Variants in HTR2C observed in about 807,000 individuals in gnomAD.
HTR2C encodes the protein 5-hydroxytryptamine (serotonin) receptor 2C, G protein-coupled.
A neutral mutation model predicts 21.0 loss-of-function variants in HTR2C; 5 were observed. The ratio of observed to expected loss-of-function variants is 0.24; its 90% confidence interval spans 0.12 to 0.50. HTR2C has a LOEUF of 0.50. Among genes scored for constraint, HTR2C ranks in the 20% least tolerant of loss-of-function variants. HTR2C has a pLI of 0.98. For missense variants in HTR2C, 271 were observed against 371.2 expected (o/e 0.73, Z 2.22); for synonymous variants, 150 against 145.3 (o/e 1.03, Z -0.23).
chrX:114,835,326 A>G (rs1256902560), intron 4 of HTR2C, among the ~76,000 whole-genome samples: 3 of 106,368 alleles, frequency 2.8e-5, no homozygotes, highest in African/African-American at 1.0e-4. Context: ...CATTCTCCCC[A>G]TCACTTTCAG....
rs1927285124 is a variant in HTR2C, at chrX:114,584,190, A to G, written c.-616A>G. The G allele has an allele frequency of 8.9e-6, 1 of 112,519 alleles. No homozygotes were observed. Among genetic ancestry groups the G allele is most frequent in the South Asian group, 3.7e-4 (1 of 2,724 alleles). 9.3% of individuals were successfully genotyped at this position (112,519 alleles called of 1,213,427 possible). The stretch of plus-strand genomic sequence containing the variant: ...CTAGATTGCTAGCCTTGGCTGCTCC[A>G]TTGGCCTGCCTTGCCCCTTACCTGC... On this transcript the variant is annotated 5_prime_UTR_variant, in exon 1 of 6. Coordinates refer to ENST00000276198, the MANE Select transcript of HTR2C (RefSeq NM_000868.4).
intron 5 of HTR2C, among the ~76,000 whole-genome samples, chrX:114,858,544 C>T (rs1556471865): frequency 9.0e-6 from 1 of 111,502 alleles, no homozygotes; most frequent in African/African-American, 3.3e-5. Flanking sequence ...TTACTCTATA[C>T]CCAGCTATCT....
chrX:114,635,319 G>T (rs1435984286), intron 2 of HTR2C, among the ~76,000 whole-genome samples: 2 of 112,027 alleles, frequency 1.8e-5, no homozygotes, highest in Non-Finnish European at 3.8e-5. Flanking sequence ...AGAGATATAA[G>T]GATATGGATT....
Position 114,907,301 on chromosome X carries a change from A to G in HTR2C, c.1263A>G (p.Glu421=). Residue 421 remains glutamate (E), a synonymous_variant, in exon 6 of 6, where the codon GAA becomes GAG. Coordinates refer to ENST00000276198, the MANE Select transcript of HTR2C (RefSeq NM_000868.4). The part of the protein sequence containing the change: ...LNVNIYRHTN[E]PVIEKASDNE... The stretch of plus-strand genomic sequence containing the variant: ...TTAACATTTATCGGCATACCAATGA[A>G]CCGGTGATCGAGAAAGCCAGTGACA... 1.7e-6 allele frequency: 2 copies of G among 1,210,857 alleles called. No homozygotes were observed. Among genetic ancestry groups the G allele is most frequent in the Non-Finnish European group, 2.2e-6 (2 of 894,764 alleles).
At chrX:114,773,874 C>T (rs2070029578) in intron 4 of HTR2C, among the ~76,000 whole-genome samples, 1 of 111,973 alleles carries the variant, frequency 8.9e-6, no homozygotes. Context: ...TACACAGAGG[C>T]TTCCCATCCC....
At chrX:114,628,537 G>A (rs895797893) in intron 2 of HTR2C, among the ~76,000 whole-genome samples, 1 of 106,446 alleles carries the variant, frequency 9.4e-6, no homozygotes, top group African/African-American at 3.4e-5. Context: ...GGGATTACAG[G>A]CGTGAGCCAC....
chrX:114,585,846 C>A (rs1927367490), intron 1 of HTR2C, among the ~76,000 whole-genome samples: 1 of 109,960 alleles, frequency 9.1e-6, no homozygotes, highest in Non-Finnish European at 1.9e-5. Flanking sequence ...AGTGCATATG[C>A]CCCTTACCTC....
chrX:114,823,567 A>G (rs1556457159), intron 4 of HTR2C: 2 of 338,069 alleles, frequency 5.9e-6, no homozygotes, highest in African/African-American at 2.7e-5. Flanking sequence ...CTTCGTCATG[A>G]CAGACACCAG....
At chrX:114,701,460 G>A (rs782405842) in intron 2 of HTR2C, among the ~76,000 whole-genome samples, 1 of 112,001 alleles carries the variant, frequency 8.9e-6, no homozygotes, top group African/African-American at 3.2e-5. Flanking sequence ...AGGGTCTGGA[G>A]TGGACCTCCA....
rs782699674 is a variant in HTR2C at position 114,743,228 on chromosome X, C to T, written c.349+11621C>T. 4.4e-3 allele frequency among the ~76,000 whole-genome samples: 447 copies of T among 101,831 alleles called. 4 individuals are homozygous for T. The highest frequency in any genetic ancestry group is 0.015 in the African/African-American group (422 of 27,824). The allele number at this position is 101,831 out of a possible 115,157, so 88.4% of individuals were successfully genotyped here. ...TCTTTATAGCAGCATGATTTATAGT[C>T]CTTTGGGTATATACCCAGTAATGGG... is the stretch of plus-strand genomic sequence containing the variant. On this transcript the variant is annotated intron_variant, in intron 4 of 5. Transcript: ENST00000276198.
chrX:114,625,154 A>C (rs1300174638), intron 2 of HTR2C, among the ~76,000 whole-genome samples: 2 of 111,681 alleles, frequency 1.8e-5, no homozygotes, highest in African/African-American at 6.5e-5. Flanking sequence ...CTTTTGCACA[A>C]ACCAGCTCCC....
At chrX:114,781,737 G>A in intron 4 of HTR2C, among the ~76,000 whole-genome samples, 1 of 107,477 alleles carries the variant, frequency 9.3e-6, no homozygotes. Context: ...CTGAGCTCAA[G>A]TGATCCTCCC....
At chrX:114,703,265 C>G (rs1221255709) in intron 2 of HTR2C, among the ~76,000 whole-genome samples, 2 of 107,258 alleles carry the variant, frequency 1.9e-5, no homozygotes, top group East Asian at 6.0e-4. Context: ...ACATTTTTTT[C>G]AGCACCACAC....
chrX:114,633,250 AATTATG>A (rs1929701179), intron 2 of HTR2C, among the ~76,000 whole-genome samples: 1 of 111,742 alleles, frequency 8.9e-6, no homozygotes. Context: ...GAGGATGGAA[AATTATG>A]ATTATTTAGA....
chrX:114,607,816 A>T (rs1928529463), intron 1 of HTR2C, among the ~76,000 whole-genome samples: 1 of 110,517 alleles, frequency 9.0e-6, no homozygotes, highest in African/African-American at 3.3e-5. Context: ...ACTTGGTGAA[A>T]CCCCATTTCT....
chrX:114,771,277 A>C (rs1431636537), intron 4 of HTR2C, among the ~76,000 whole-genome samples: 1 of 111,747 alleles, frequency 8.9e-6, no homozygotes, highest in Non-Finnish European at 1.9e-5. Flanking sequence ...ATACTTCTAT[A>C]GATTCTGTAT....
At chrX:114,601,501 T>C (rs1332542950) in intron 1 of HTR2C, among the ~76,000 whole-genome samples, 3 of 107,864 alleles carry the variant, frequency 2.8e-5, no homozygotes, top group African/African-American at 1.0e-4. Context: ...GGGGTGCTTT[T>C]TGAGCCAGGA....
At position 114,743,767 on chromosome X, in the gene HTR2C, C is replaced by A. The variant is rs782416130; in HGVS notation, c.349+12160C>A. Among the ~76,000 whole-genome samples, 343 of 111,810 alleles carry A rather than the reference C, an allele frequency of 3.1e-3. 1 individual carries two copies. Among genetic ancestry groups the A allele is most frequent in the African/African-American group, 0.01 (319 of 30,814 alleles). The stretch of plus-strand genomic sequence containing the variant: ...GAAAAATTTAGAGATTCAAGAAATT[C>A]AGCAAACCTCGAACAGGATAAACTC... On this transcript the variant is annotated intron_variant, in intron 4 of 5. Coordinates refer to ENST00000276198, the MANE Select transcript of HTR2C (RefSeq NM_000868.4).
intron 4 of HTR2C, among the ~76,000 whole-genome samples, chrX:114,762,910 C>T (rs2069895539): frequency 8.9e-6 from 1 of 112,083 alleles, no homozygotes; most frequent in African/African-American, 3.2e-5. Context: ...TCCTCTAGCC[C>T]TCTAGAAAAA....
Sources: allele counts gnomAD v4.1 joint callset (sites outside exome capture counted in the v4.1 genomes callset), GRCh38; gene constraint gnomAD v4.1.1; transcripts MANE v1.5; gene names NCBI Gene and HGNC (gene_info 2026-07-23, HGNC 2026-07-21).